Variants in SNTG1 observed in about 807,000 individuals in gnomAD.
SNTG1 encodes the protein gamma-1-syntrophin.
In SNTG1, 39 loss-of-function variants were observed where a neutral mutation model predicts 74.7. The observed-to-expected ratio is 0.52, with a 90% confidence interval of 0.40 to 0.68. The LOEUF is 0.68. Among genes scored for constraint, SNTG1 ranks in the 30% least tolerant of loss-of-function variants. The pLI, the probability that SNTG1 is intolerant of heterozygous loss-of-function variation, is 0.00. For synonymous variants in SNTG1, 254 were observed against 217.1 expected, an observed-to-expected ratio of 1.17 and a Z score of -1.49; for missense variants, 685 against 609.5, an observed-to-expected ratio of 1.12 and a Z score of -1.30.
chr8:50,397,774 T>C (rs1273808542), intron 3 of SNTG1, among the ~76,000 whole-genome samples: 2 of 152,176 alleles, frequency 1.3e-5, no homozygotes, highest in Non-Finnish European at 2.9e-5. Context: ...AATCTGTGTA[T>C]GCGGGATAGC....
chr8:50,764,973 T>G (rs1303339518), intron 18 of SNTG1, among the ~76,000 whole-genome samples: 1 of 151,968 alleles, frequency 6.6e-6, no homozygotes, highest in East Asian at 1.9e-4. Context: ...CATTATATCA[T>G]AGAAGAATCT....
Position 49,938,607 on chromosome 8 carries a change from C to CTTTTTTTTCT in SNTG1, c.-103+26379_-103+26380insTTTTTCTTTT, listed in dbSNP as rs60669251. Among the ~76,000 whole-genome samples the CTTTTTTTTCT allele has an allele frequency of 3.9e-3, 108 of 27,842 alleles. 3 individuals are homozygous for CTTTTTTTTCT. Among genetic ancestry groups the CTTTTTTTTCT allele is most frequent in the East Asian group, 0.012 (4 of 344 alleles). 18.3% of individuals were successfully genotyped at this position (27,842 alleles called of 152,430 possible). On this transcript the variant is annotated intron_variant, in intron 1 of 18. Transcript: ENST00000642720. The stretch of plus-strand genomic sequence containing the variant: ...CTTTTCTTTTCTTTTCTTTTCTTTT[C>CTTTTTTTTCT]TTTCTTTCTTTCTTTCTTTCTTTCT...
At chr8:50,285,414 C>G (rs1449197743) in intron 2 of SNTG1, among the ~76,000 whole-genome samples, 1 of 152,068 alleles carries the variant, frequency 6.6e-6, no homozygotes, top group Non-Finnish European at 1.5e-5. Context: ...CAACTGCACT[C>G]CAGCCTGTGA....
At chr8:50,512,315 G>C (rs1400577603) in intron 9 of SNTG1, among the ~76,000 whole-genome samples, 1 of 151,444 alleles carries the variant, frequency 6.6e-6, no homozygotes, top group East Asian at 1.9e-4. Context: ...CCCTTTGTGG[G>C]TAACCCGACC....
At chr8:50,581,572 C>T (rs150766213) in intron 12 of SNTG1, among the ~76,000 whole-genome samples, 3 of 151,858 alleles carry the variant, frequency 2.0e-5, no homozygotes, top group Non-Finnish European at 4.4e-5. Flanking sequence ...CATTTTGAAG[C>T]CATCAGAATT....
chr8:50,553,137 ACAAG>A lies in SNTG1; in HGVS notation c.772_775del (p.Ala258Ter). 1 of 1,613,912 alleles carries A rather than the reference ACAAG, an allele frequency of 6.2e-7. No homozygotes were observed. Among genetic ancestry groups the A allele is most frequent in the Non-Finnish European group, 8.5e-7 (1 of 1,179,870 alleles). ...CTGCTGAAGACTGCGTTGACTGGCTACAAGCAATAGCAACTAACATTTCAAATCT... is the reference window on the plus strand; with the variant it reads ...CTGCTGAAGACTGCGTTGACTGGCTACAATAGCAACTAACATTTCAAATCT... On this transcript the variant is annotated frameshift_variant, in exon 12 of 19. Transcript: ENST00000642720. LOFTEE classifies it high-confidence loss of function.
At chr8:50,199,537 T>G (rs2083907188) in intron 2 of SNTG1, among the ~76,000 whole-genome samples, 1 of 152,144 alleles carries the variant, frequency 6.6e-6, no homozygotes, top group Admixed American at 6.6e-5. Context: ...TCTGATGTGC[T>G]CATAGTAAAG....
chr8:50,668,032 G>A lies in SNTG1; in HGVS notation c.1038+9369G>A, dbSNP rs534696511. Among the ~76,000 whole-genome samples, 123 of 152,060 alleles carry A rather than the reference G, an allele frequency of 8.1e-4. 2 individuals carry two copies. The highest frequency in any genetic ancestry group is 6.8e-3 in the Middle Eastern group (2 of 294). On this transcript the variant is annotated intron_variant, in intron 15 of 18. Coordinates refer to ENST00000642720, the MANE Select transcript of SNTG1 (RefSeq NM_018967.5). The stretch of plus-strand genomic sequence containing the variant: ...GAGAACTAAGGTTCAGCCATTCCTC[G>A]TTCTGTCTATGAACATGCCAGAGAG...
chr8:49,989,319 A>T (rs1813463818), intron 1 of SNTG1, among the ~76,000 whole-genome samples: 1 of 151,994 alleles, frequency 6.6e-6, no homozygotes, highest in Non-Finnish European at 1.5e-5. Context: ...TACCCTGGAA[A>T]ACTGTATACA....
chr8:50,292,494 G>C (rs2089165467), intron 2 of SNTG1, among the ~76,000 whole-genome samples: 1 of 152,066 alleles, frequency 6.6e-6, no homozygotes, highest in Non-Finnish European at 1.5e-5. Flanking sequence ...TGTGAAGACT[G>C]GTTCAGAAAG....
intron 1 of SNTG1, among the ~76,000 whole-genome samples, chr8:50,052,362 G>A (rs1819649671): frequency 6.6e-6 from 1 of 151,950 alleles, no homozygotes; most frequent in Admixed American, 6.6e-5. Context: ...AAGGACTTCT[G>A]GATATCCACA....
intron 13 of SNTG1, among the ~76,000 whole-genome samples, chr8:50,610,960 G>A (rs896463971): frequency 7.6e-6 from 1 of 131,512 alleles, no homozygotes; most frequent in Non-Finnish European, 1.6e-5. Flanking sequence ...TCATGACACT[G>A]GTAGATAAGA....
At chr8:50,081,050 A>G (rs1000423539) in intron 1 of SNTG1, among the ~76,000 whole-genome samples, 2 of 152,074 alleles carry the variant, frequency 1.3e-5, no homozygotes, top group Non-Finnish European at 2.9e-5. Context: ...TAATATCTAT[A>G]TTTAATAAGT....
At chr8:50,463,709 T>C (rs2093586529) in intron 8 of SNTG1, among the ~76,000 whole-genome samples, 1 of 152,126 alleles carries the variant, frequency 6.6e-6, no homozygotes, top group Non-Finnish European at 1.5e-5. Context: ...TCGCTAGCAT[T>C]TTCAAAATGG....
chr8:50,338,942 A>C (rs1018678813), intron 2 of SNTG1, among the ~76,000 whole-genome samples: 2 of 152,136 alleles, frequency 1.3e-5, no homozygotes, highest in African/African-American at 4.8e-5. Flanking sequence ...ATTTCAGAGA[A>C]ATCAAACAGA....
chr8:50,030,291 T>C (rs1270685891), intron 1 of SNTG1, among the ~76,000 whole-genome samples: 2 of 152,222 alleles, frequency 1.3e-5, no homozygotes, highest in East Asian at 3.9e-4. Context: ...TGTCCCATTC[T>C]GTAGGTTGTC....
intron 1 of SNTG1, among the ~76,000 whole-genome samples, chr8:49,962,799 G>T (rs537065923): frequency 2.2e-4 from 34 of 152,122 alleles, no homozygotes; most frequent in Admixed American, 1.4e-3. Flanking sequence ...CACCATGCTG[G>T]CCAGGCTGGT....
chr8:50,787,739 A>C (rs1356074979), intron 18 of SNTG1, among the ~76,000 whole-genome samples: 1 of 152,046 alleles, frequency 6.6e-6, no homozygotes, highest in African/African-American at 2.4e-5. Context: ...GAACGTAGAT[A>C]ATCACAAAAT....
intron 8 of SNTG1, among the ~76,000 whole-genome samples, chr8:50,494,210 A>C (rs1440813748): frequency 2.0e-5 from 3 of 151,856 alleles, no homozygotes; most frequent in Non-Finnish European, 2.9e-5. Flanking sequence ...TTATATTCAT[A>C]ATAATTCATG....
Sources: gnomAD v4.1 joint callset for allele counts (sites outside exome capture counted in the v4.1 genomes callset) on GRCh38, gnomAD v4.1.1 for gene constraint, MANE v1.5 for transcripts, NCBI Gene and HGNC (gene_info 2026-07-23, HGNC 2026-07-21) for gene names.